UBAC2: variants seen among roughly 807,000 people sequenced by gnomAD.
The protein encoded by UBAC2 is UBA domain containing 2, also known as ubiquitin-associated domain-containing protein 2.
Under a neutral mutation model 44.0 loss-of-function variants are expected in UBAC2, and 26 were observed. The observed-to-expected ratio is 0.59, with a 90% confidence interval of 0.43 to 0.82. The LOEUF (loss-of-function observed/expected upper bound fraction) is 0.82. UBAC2 is among the 40% of genes least tolerant of loss of function. The pLI, the probability that UBAC2 is intolerant of heterozygous loss-of-function variation, is 0.00. For synonymous variants in UBAC2, 155 were observed against 154.3 expected, an observed-to-expected ratio of 1.00 and a Z score of -0.04; for missense variants, 329 against 419.4, an observed-to-expected ratio of 0.78 and a Z score of 1.88.
rs561073704 is a variant in UBAC2 at position 99,242,881 on chromosome 13, G to A, written c.160-951G>A. On this transcript the variant is annotated intron_variant, in intron 2 of 8. Transcript: ENST00000403766. ...TCCTCACCTCCCAGACGGGGCGGCG[G>A]GGCAGAGGTGCTCCCCACATCTCAG... Among the ~76,000 whole-genome samples, 354 of 150,420 alleles carry A rather than the reference G, an allele frequency of 2.4e-3. 1 individual carries two copies. The highest frequency in any genetic ancestry group is 4.2e-3 in the South Asian group (20 of 4,730).
At chr13:99,296,222 T>A in intron 4 of UBAC2, 1 of 1,380,726 alleles carries the variant, frequency 7.2e-7, no homozygotes, top group Non-Finnish European at 9.7e-7. Context: ...GTTTGATTAC[T>A]CATTAGTTTT....
rs1276895860 is a variant in UBAC2, at chr13:99,308,824, G to T, written c.390-5273G>T. 2.0e-5 allele frequency: 3 copies of T among 152,332 alleles called. No individual in the cohort carries two copies. The South Asian group carries it at 6.2e-4, about 32-fold the overall frequency. The allele number at this position is 152,332 out of a possible 1,614,324, so 9.4% of individuals were successfully genotyped here. A position where few individuals can be genotyped will look rare whatever the true frequency, so the allele number is the denominator to read the frequency against. On this transcript the variant is annotated intron_variant, in intron 4 of 8. Coordinates refer to ENST00000403766, the MANE Select transcript of UBAC2 (RefSeq NM_001144072.2). ...ATAAAATAAAGGTATTGAACTAAATGATCTCCAAGGTAATTCCTAGTACAA... is the reference window on the plus strand; with the variant it reads ...ATAAAATAAAGGTATTGAACTAAATTATCTCCAAGGTAATTCCTAGTACAA...
chr13:99,213,656 G>T (rs977534937), intron 1 of UBAC2, among the ~76,000 whole-genome samples: 1 of 151,972 alleles, frequency 6.6e-6, no homozygotes, highest in Admixed American at 6.6e-5. Context: ...CACTGCACCC[G>T]GTCGATTATA....
At position 99,314,262 on chromosome 13, in the gene UBAC2, CTTTTTTTTT is replaced by C. The variant is rs57005833; in HGVS notation, c.513+52_513+60del. ...TATGTTCACTTTTCTTTAACCAGAT[CTTTTTTTTT>C]TTTTTTTTTGGTCTTTTTCTCATTT... On this transcript the variant is annotated intron_variant, in intron 5 of 8. Transcript: ENST00000403766. The C allele has an allele frequency of 4.6e-5, 53 of 1,149,894 alleles. No individual in the cohort carries two copies. The Middle Eastern group carries it at 2.0e-3, about 43-fold the overall frequency. The allele number at this position is 1,149,894 out of a possible 1,614,324, so 71.2% of individuals were successfully genotyped here.
intron 6 of UBAC2, among the ~76,000 whole-genome samples, chr13:99,335,977 C>T (rs1280198605): frequency 6.7e-6 from 1 of 149,954 alleles, no homozygotes; most frequent in Non-Finnish European, 1.5e-5. Context: ...AACATGGCAA[C>T]ACCTCATTCT....
intron 1 of UBAC2, chr13:99,201,158 C>T (rs1019329960): frequency 2.2e-6 from 3 of 1,359,886 alleles, no homozygotes; most frequent in East Asian, 2.7e-5. Flanking sequence ...CCCCGCCGCC[C>T]GCCCCGACCC....
At chr13:99,306,869 C>T (rs2044344602) in intron 4 of UBAC2, among the ~76,000 whole-genome samples, 1 of 152,008 alleles carries the variant, frequency 6.6e-6, no homozygotes, top group Admixed American at 6.5e-5. Context: ...ATATCTAAAG[C>T]TTTAGAAAAT....
intron 7 of UBAC2, among the ~76,000 whole-genome samples, chr13:99,347,545 T>G: frequency 6.6e-6 from 1 of 151,976 alleles, no homozygotes; most frequent in Non-Finnish European, 1.5e-5. Flanking sequence ...TTCAAGTTAC[T>G]TTCACTCTGT....
chr13:99,324,767 T>C (rs560785781), intron 6 of UBAC2, among the ~76,000 whole-genome samples: 1 of 152,316 alleles, frequency 6.6e-6, no homozygotes, highest in African/African-American at 2.4e-5. Flanking sequence ...CCCTGTGGAT[T>C]CTAATGGAGC....
At chr13:99,337,254 G>A (rs549481964) in intron 6 of UBAC2, among the ~76,000 whole-genome samples, 30 of 152,022 alleles carry the variant, frequency 2.0e-4, no homozygotes, top group Non-Finnish European at 3.5e-4. Context: ...ATGAAAATTG[G>A]TATCTTAAAA....
At chr13:99,277,410 A>G (rs1359325666) in intron 4 of UBAC2, among the ~76,000 whole-genome samples, 3 of 152,144 alleles carry the variant, frequency 2.0e-5, no homozygotes, top group Admixed American at 2.0e-4. Context: ...CTGTAATCCC[A>G]GCTACTAGGG....
intron 2 of UBAC2, among the ~76,000 whole-genome samples, chr13:99,239,687 GGAA>G (rs1176877484): frequency 6.6e-6 from 1 of 152,196 alleles, no homozygotes; most frequent in Non-Finnish European, 1.5e-5. Context: ...CTGCTTGGAT[GGAA>G]GAAGACCACT....
At chr13:99,227,359 C>T (rs1381478162) in intron 1 of UBAC2, among the ~76,000 whole-genome samples, 3 of 152,198 alleles carry the variant, frequency 2.0e-5, no homozygotes, top group Non-Finnish European at 2.9e-5. Flanking sequence ...TCCACACTGT[C>T]GTCAGCCCCG....
At chr13:99,211,006 A>C (rs1319279611) in intron 1 of UBAC2, among the ~76,000 whole-genome samples, 1 of 152,222 alleles carries the variant, frequency 6.6e-6, no homozygotes, top group Non-Finnish European at 1.5e-5. Context: ...AGAGCATCTT[A>C]ACTTTCAGAT....
chr13:99,234,336 T>C (rs1312835953), intron 1 of UBAC2: 1 of 338,108 alleles, frequency 3.0e-6, no homozygotes, highest in South Asian at 1.9e-5. Flanking sequence ...TATAGGCGCT[T>C]GCCACCACGC....
intron 1 of UBAC2, among the ~76,000 whole-genome samples, chr13:99,207,856 A>G (rs1288720566): frequency 6.6e-6 from 1 of 152,106 alleles, no homozygotes; most frequent in African/African-American, 2.4e-5. Context: ...ATGGACACCA[A>G]CATTGACTCC....
intron 4 of UBAC2, among the ~76,000 whole-genome samples, chr13:99,288,062 A>G (rs898489847): frequency 2.0e-5 from 3 of 152,152 alleles, no homozygotes; most frequent in Non-Finnish European, 4.4e-5. Context: ...AAATTGTGGG[A>G]CTGCTGCCCT....
In UBAC2 at chr13:99,373,696, C is replaced by T. The variant is rs2045440628; in HGVS notation, c.927+5790C>T. ...CAAGTACATGGGAGGTGGGGAGCCA[C>T]GGATGGGTGGGCTGGAGTAGAGGGG... On this transcript the variant is annotated intron_variant, in intron 8 of 8. Coordinates refer to ENST00000403766, the MANE Select transcript of UBAC2 (RefSeq NM_001144072.2). Among the ~76,000 whole-genome samples, 3 of 152,142 alleles carry T rather than the reference C, an allele frequency of 2.0e-5. 1 individual carries two copies. In the South Asian group the frequency reaches 6.2e-4, roughly 32 times the overall value.
intron 4 of UBAC2, among the ~76,000 whole-genome samples, chr13:99,285,465 T>G (rs2044006939): frequency 6.6e-6 from 1 of 151,980 alleles, no homozygotes; most frequent in Admixed American, 6.6e-5. Context: ...CGATTGTAGC[T>G]CACTGTAACG....
Sources: gnomAD v4.1 joint callset for allele counts (sites outside exome capture counted in the v4.1 genomes callset) on GRCh38, gnomAD v4.1.1 for gene constraint, MANE v1.5 for transcripts, NCBI Gene and HGNC (gene_info 2026-07-23, HGNC 2026-07-21) for gene names.